PLA2G15: variants seen among roughly 807,000 people sequenced by gnomAD.
PLA2G15 encodes the protein lysosomal phospholipase A and acyltransferase.
In PLA2G15, 20 loss-of-function variants were observed where a neutral mutation model predicts 40.9. The ratio of observed to expected loss-of-function variants is 0.49; its 90% CI spans 0.34 to 0.71. The LOEUF is 0.71. PLA2G15 is among the 30% of genes least tolerant of loss of function. The pLI is 0.01. For missense variants in PLA2G15, 471 were observed against 541.9 expected (o/e 0.87, Z 1.30); for synonymous variants, 223 against 228.2 (o/e 0.98, Z 0.21).
intron 1 of PLA2G15, among the ~76,000 whole-genome samples, chr16:68,246,830 C>T (rs1164092218): frequency 1.3e-5 from 2 of 152,058 alleles, no homozygotes; most frequent in Non-Finnish European, 2.9e-5. Context: ...TGCCTGGGAT[C>T]GAGTCACAGG....
chr16:68,256,663 A>T lies in PLA2G15; in HGVS notation c.727+673A>T, dbSNP rs534744168. 2.6e-5 allele frequency among the ~76,000 whole-genome samples: 4 copies of T among 152,058 alleles called. No homozygotes were observed. In the East Asian group the frequency reaches 7.8e-4, roughly 30 times the overall value. On this transcript the variant is annotated intron_variant, in intron 5 of 5. Transcript: ENST00000219345. ...GTAGCTGGGATTACAGGTGCCCGCC[A>T]CCATGCCTGGCTAAGTTTTGTGTTT...
chr16:68,248,248 C>G (rs2042326085), intron 1 of PLA2G15: 1 of 152,248 alleles, frequency 6.6e-6, no homozygotes. Flanking sequence ...CATACTTTGT[C>G]TGGTTGAATT....
In PLA2G15 at chr16:68,245,526, G is replaced by T; in HGVS notation, c.100G>T (p.Ala34Ser). ...GCTGCTCGCGGACCCAGCGCTCCCGGCCGGACGTCACCCCCCAGTGGTGCT... is the reference window on the plus strand; with the variant it reads ...GCTGCTCGCGGACCCAGCGCTCCCGTCCGGACGTCACCCCCCAGTGGTGCT... ...LMLLADPALP[A>S]GRHPPVVLVP... Residue 34 changes from alanine (A) to serine (S), a missense_variant, in exon 1 of 6, where the codon GCC (alanine) becomes TCC (serine). Ala to Ser is a moderately conservative substitution (Grantham distance 99, BLOSUM62 1). Transcript: ENST00000219345. 6.3e-7 allele frequency: 1 copy of T among 1,592,172 alleles called. No homozygotes were observed. Among genetic ancestry groups the T allele is most frequent in the Non-Finnish European group, 8.5e-7 (1 of 1,174,086 alleles).
intron 2 of PLA2G15, among the ~76,000 whole-genome samples, chr16:68,253,707 T>TTTTTTAG (rs2042375158): frequency 6.8e-6 from 1 of 146,458 alleles, no homozygotes. Context: ...TTTTTTTTTT[T>TTTTTTAG]GAGACAGGGT....
At chr16:68,246,847 G>A (rs1420146198) in intron 1 of PLA2G15, among the ~76,000 whole-genome samples, 1 of 152,126 alleles carries the variant, frequency 6.6e-6, no homozygotes, top group Non-Finnish European at 1.5e-5. Flanking sequence ...CAGGAGGAGT[G>A]GACTGCACAG....
chr16:68,259,875 G>A lies in PLA2G15; in HGVS notation c.*218G>A. The A allele has an allele frequency of 1.7e-6, 1 of 592,000 alleles. No homozygotes were observed. Among genetic ancestry groups the A allele is most frequent in the South Asian group, 2.0e-5 (1 of 48,844 alleles). 36.7% of individuals were successfully genotyped at this position (592,000 alleles called of 1,614,324 possible). A position where few individuals can be genotyped will look rare whatever the true frequency, so the allele number is the denominator to read the frequency against. On this transcript the variant is annotated 3_prime_UTR_variant, in exon 6 of 6. Coordinates refer to ENST00000219345, the MANE Select transcript of PLA2G15 (RefSeq NM_012320.4). This position sits in a 1 kb window ranked among gnomAD's most constrained non-coding sequence, Gnocchi z 6.5. ...AGTCTAGACTCAAGGGACACTGGATGGCAAGAATGCTGCTGATGGTGGAAC... is the reference window on the plus strand; with the variant it reads ...AGTCTAGACTCAAGGGACACTGGATAGCAAGAATGCTGCTGATGGTGGAAC...
At chr16:68,250,173 AC>A (rs2042341932) in intron 2 of PLA2G15, 1 of 184,820 alleles carries the variant, frequency 5.4e-6, no homozygotes, top group African/African-American at 4.0e-5. Context: ...GCTTCCATTC[AC>A]TTTTTTTTTT....
Position 68,255,648 on chromosome 16 carries a change from T to C in PLA2G15, c.503-118T>C. ...GAAGGCGGGGGGACCCAGACCGCTC[T>C]GTTTGAATGTGAGCACCCTCCCCTC... On this transcript the variant is annotated intron_variant, in intron 4 of 5. Transcript: ENST00000219345. The surrounding 1 kb of genome is among the most constrained non-coding windows in gnomAD (Gnocchi z 5.9). The C allele has an allele frequency of 1.2e-6, 1 of 826,908 alleles. No individual in the cohort carries two copies. The highest frequency in any genetic ancestry group is 2.0e-6 in the Non-Finnish European group (1 of 498,306). 51.2% of individuals were successfully genotyped at this position (826,908 alleles called of 1,614,324 possible).
At chr16:68,256,273 G>C (rs998519333) in intron 5 of PLA2G15, 5 of 357,540 alleles carry the variant, frequency 1.4e-5, no homozygotes, top group Non-Finnish European at 2.5e-5. Context: ...CAGACCCAGA[G>C]CTTATATTCT....
At chr16:68,258,139 G>A (rs1452308542) in intron 5 of PLA2G15, among the ~76,000 whole-genome samples, 1 of 152,158 alleles carries the variant, frequency 6.6e-6, no homozygotes, top group Non-Finnish European at 1.5e-5. Context: ...CCTGACTGCC[G>A]GGTGTTTGTG....
chr16:68,255,132 A>G lies in PLA2G15; in HGVS notation c.403+95A>G. 1 of 1,017,780 alleles carries G rather than the reference A, an allele frequency of 9.8e-7. No individual in the cohort carries two copies. 63.0% of individuals were successfully genotyped at this position (1,017,780 alleles called of 1,614,324 possible). A position where few individuals can be genotyped will look rare whatever the true frequency, so the allele number is the denominator to read the frequency against. Reference sequence around the variant, plus strand: ...AGGAACTCTGCTGGTTTGTAGGGACAGCCTGTGAGCTGTCTCTGATCAGCG... The same window carrying G: ...AGGAACTCTGCTGGTTTGTAGGGACGGCCTGTGAGCTGTCTCTGATCAGCG... On this transcript the variant is annotated intron_variant, in intron 3 of 5. Transcript: ENST00000219345. This position sits in a 1 kb window ranked among gnomAD's most constrained non-coding sequence, Gnocchi z 5.9.
chr16:68,258,359 A>G (rs2042417594), intron 5 of PLA2G15, among the ~76,000 whole-genome samples: 1 of 152,210 alleles, frequency 6.6e-6, no homozygotes, highest in African/African-American at 2.4e-5. Context: ...GTCATCTCCG[A>G]GTTGCCAACC....
rs555883650 is a variant in PLA2G15, at chr16:68,249,093, T to G, written c.128-197T>G. On this transcript the variant is annotated intron_variant, in intron 1 of 5. Transcript: ENST00000219345. ...TAGCAGCTTTTCTGCACAAAGATGGTTCCCTGGCCTTTGGGTCAAGGTCCC... is the reference window on the plus strand; with the variant it reads ...TAGCAGCTTTTCTGCACAAAGATGGGTCCCTGGCCTTTGGGTCAAGGTCCC... Among the ~76,000 whole-genome samples the G allele has an allele frequency of 4.6e-5, 7 of 152,318 alleles. No homozygotes were observed. The South Asian group carries it at 1.5e-3, about 32-fold the overall frequency.
chr16:68,249,159 T>G, intron 1 of PLA2G15, 131 bp from the exon 2 acceptor site: 2 of 696,838 alleles, frequency 2.9e-6, no homozygotes, highest in Non-Finnish European at 4.9e-6. Context: ...TGCTTTAATT[T>G]GAGATGTGGA....
chr16:68,249,756 G>A (rs779071241), intron 2 of PLA2G15, among the ~76,000 whole-genome samples: 1 of 152,128 alleles, frequency 6.6e-6, no homozygotes, highest in East Asian at 1.9e-4. Context: ...TCAGCTCACT[G>A]CAACCTCCGT....
Position 68,255,267 on chromosome 16 carries a change from T to A in PLA2G15, c.404-15T>A. ...TAGCTGTATCTTTTCTTATCCTCTG[T>A]ATTTCTGTCTACAGGTTCCTATTTC... On this transcript the variant is annotated splice_polypyrimidine_tract_variant and intron_variant, in intron 3 of 5. Transcript: ENST00000219345. The surrounding 1 kb of genome is among the most constrained non-coding windows in gnomAD (Gnocchi z 5.9). The A allele has an allele frequency of 6.3e-7, 1 of 1,583,438 alleles. No individual in the cohort carries two copies. The highest frequency in any genetic ancestry group is 8.7e-7 in the Non-Finnish European group (1 of 1,152,506).
rs765305053 is a variant in PLA2G15 at position 68,259,679 on chromosome 16, G to A, written c.*22G>A. 2.4e-5 allele frequency: 39 copies of A among 1,601,844 alleles called. No individual in the cohort carries two copies. In the East Asian group the frequency reaches 7.8e-4, roughly 32 times the overall value. On this transcript the variant is annotated 3_prime_UTR_variant, in exon 6 of 6. Coordinates refer to ENST00000219345, the MANE Select transcript of PLA2G15 (RefSeq NM_012320.4). This position sits in a 1 kb window ranked among gnomAD's most constrained non-coding sequence, Gnocchi z 6.5. ...CTGACTCCTGTGCCACAGGACTCCT[G>A]TGGCTCGGCCGTGGACCTGCTGTTG...
chr16:68,248,077 G>A (rs531314360), intron 1 of PLA2G15, among the ~76,000 whole-genome samples: 1 of 152,302 alleles, frequency 6.6e-6, no homozygotes, highest in East Asian at 1.9e-4. Flanking sequence ...TTTCCAATAC[G>A]GGCTCCCAGC....
rs906612192 is a variant in PLA2G15 at position 68,259,017 on chromosome 16, T to A, written c.728-129T>A. The A allele has an allele frequency of 1.4e-6, 1 of 716,022 alleles. No homozygotes were observed. The highest frequency in any genetic ancestry group is 2.4e-6 in the Non-Finnish European group (1 of 422,388). The allele number at this position is 716,022 out of a possible 1,614,324, so 44.4% of individuals were successfully genotyped here. A position where few individuals can be genotyped will look rare whatever the true frequency, so the allele number is the denominator to read the frequency against. On this transcript the variant is annotated intron_variant, in intron 5 of 5. Coordinates refer to ENST00000219345, the MANE Select transcript of PLA2G15 (RefSeq NM_012320.4). The surrounding 1 kb of genome is among the most constrained non-coding windows in gnomAD (Gnocchi z 6.5). ...GGAGTCACAGTGATTACAATGATGA[T>A]AACCGGGTAGAGATGCGGGACTGTG... is the stretch of plus-strand genomic sequence containing the variant.
Sources: allele counts gnomAD v4.1 joint callset (sites outside exome capture counted in the v4.1 genomes callset), GRCh38; gene constraint gnomAD v4.1.1; non-coding constraint Gnocchi (gnomAD v3.1); transcripts MANE v1.5; gene names NCBI Gene and HGNC (gene_info 2026-07-23, HGNC 2026-07-21).